RPL31: variants seen among roughly 807,000 people sequenced by gnomAD.
RPL31 encodes the protein large ribosomal subunit protein eL31.
For missense variants in RPL31, 95 were observed against 164.0 expected (o/e 0.58, Z 2.30); for synonymous variants, 51 against 55.0 (o/e 0.93, Z 0.32).
At chr2:101,007,714 C>G (rs540878652), downstream of RPL31, 1 of 1,152,018 alleles carries the variant, frequency 8.7e-7, no homozygotes, top group African/African-American at 1.5e-5. Context: ...GCCAGATGCC[C>G]CATTGGTAAG....
downstream of RPL31, chr2:101,008,186 C>T: frequency 6.2e-7 from 1 of 1,613,290 alleles, no homozygotes; most frequent in Non-Finnish European, 8.5e-7. Context: ...AGTGTGGTGA[C>T]TGTGGCGATG....
chr2:101,013,422 G>A (rs1404441039), intron 4 of RPL31, among the ~76,000 whole-genome samples: 1 of 152,126 alleles, frequency 6.6e-6, no homozygotes, highest in Admixed American at 6.6e-5. Context: ...CTATATATAT[G>A]TAGCCTGTAA....
downstream of RPL31, chr2:101,011,628 T>A (rs1026480078): frequency 4.3e-6 from 6 of 1,390,658 alleles, no homozygotes; most frequent in African/African-American, 8.5e-5. Context: ...AACTAAAGGC[T>A]AAGCCAGCAG....
chr2:101,008,180 T>C (rs1678885876), downstream of RPL31: 3 of 1,613,556 alleles, frequency 1.9e-6, no homozygotes, highest in Non-Finnish European at 2.5e-6. Flanking sequence ...AGCAGCAGTG[T>C]GGTGACTGTG....
chr2:101,008,081 GAGA>G, downstream of RPL31: 3 of 1,613,956 alleles, frequency 1.9e-6, no homozygotes, highest in South Asian at 3.3e-5. Context: ...GAGTCCTCAG[GAGA>G]AGGAGCTGAA....
downstream of RPL31, chr2:101,007,782 G>C (rs780083059): frequency 2.1e-5 from 34 of 1,585,622 alleles, no homozygotes; most frequent in Non-Finnish European, 2.8e-5. Flanking sequence ...TCGTGCTTTG[G>C]TATGGTGGAC....
chr2:101,011,269 G>T, downstream of RPL31: 1 of 717,650 alleles, frequency 1.4e-6, no homozygotes, highest in African/African-American at 1.8e-5. Context: ...GCAAGGGGCA[G>T]CCACCCAGCA....
intron 4 of RPL31, among the ~76,000 whole-genome samples, chr2:101,013,573 G>A (rs181265732): frequency 4.6e-5 from 7 of 152,310 alleles, no homozygotes; most frequent in African/African-American, 1.4e-4. Flanking sequence ...CTGTTTGAAG[G>A]TAGTAGGTAA....
At chr2:101,012,309 T>A (rs138993506) in intron 4 of RPL31, among the ~76,000 whole-genome samples, 1 of 152,218 alleles carries the variant, frequency 6.6e-6, no homozygotes, top group Non-Finnish European at 1.5e-5. Flanking sequence ...AAATGTTGAA[T>A]AAATTGCTGA....
chr2:101,014,004 A>G (rs1679429975), intron 4 of RPL31, among the ~76,000 whole-genome samples: 2 of 152,226 alleles, frequency 1.3e-5, no homozygotes, highest in Admixed American at 6.5e-5. Flanking sequence ...AGGAAAATCA[A>G]CTAAGTTATC....
downstream of RPL31, chr2:101,011,464 G>A (rs375301887): frequency 2.2e-5 from 35 of 1,613,952 alleles, no homozygotes; most frequent in East Asian, 4.5e-5. Flanking sequence ...TGGGTTTCCC[G>A]AAAACCAGGG....
chr2:101,008,274 CTG>C, downstream of RPL31: 1 of 1,517,784 alleles, frequency 6.6e-7, no homozygotes, highest in Non-Finnish European at 8.8e-7. Context: ...TAAATTCTCT[CTG>C]AAATTGAAAT....
intron 2 of RPL31, 48 bp downstream of exon 2, chr2:101,002,856 T>C (rs781159019): frequency 2.1e-6 from 3 of 1,409,880 alleles, no homozygotes; most frequent in Non-Finnish European, 3.0e-6. Context: ...CGCGTCTGGT[T>C]GTTACCGAGA....
At chr2:101,008,390 A>T (rs1678910658), downstream of RPL31, 3 of 827,646 alleles carry the variant, frequency 3.6e-6, no homozygotes, top group Non-Finnish European at 3.6e-6. Flanking sequence ...GACACAGAAT[A>T]TAAGAAAAGG....
chr2:101,017,891 T>G, intron 4 of RPL31: 2 of 1,550,952 alleles, frequency 1.3e-6, no homozygotes, highest in African/African-American at 1.4e-5. Context: ...CAAAACAGAT[T>G]GTCACCATCA....
chr2:101,002,510 C>A (rs901229858), intron 1 of RPL31, 192 bp from the exon 2 acceptor site: 1 of 614,646 alleles, frequency 1.6e-6, no homozygotes, highest in Non-Finnish European at 3.0e-6. Flanking sequence ...GCCGGAGCGG[C>A]AGGGATTTCC....
In RPL31 at chr2:101,006,741, T is replaced by TATCTA. The variant is rs2105351271; in HGVS notation, c.*361_*365dup. 1 of 201,588 alleles carries TATCTA rather than the reference T, an allele frequency of 5.0e-6. No homozygotes were observed. Among genetic ancestry groups the TATCTA allele is most frequent in the African/African-American group, 2.3e-5 (1 of 43,034 alleles). The allele number at this position is 201,588 out of a possible 1,614,324, so 12.5% of individuals were successfully genotyped here. A position where few individuals can be genotyped will look rare whatever the true frequency, so the allele number is the denominator to read the frequency against. On this transcript the variant is annotated 3_prime_UTR_variant, in exon 5 of 5. Transcript: ENST00000264258. ...AGGAAACAACTTTAAAATGATATAC[T>TATCTA]ATCTATCTATCTATCTGTAGCATCT... is the stretch of plus-strand genomic sequence containing the variant.
At chr2:101,016,957 G>A (rs1274627191) in intron 4 of RPL31, among the ~76,000 whole-genome samples, 1 of 151,914 alleles carries the variant, frequency 6.6e-6, no homozygotes, top group African/African-American at 2.4e-5. Context: ...GATAGCATTA[G>A]GAGATATACC....
At chr2:101,013,721 G>T (rs1269073074) in intron 4 of RPL31, among the ~76,000 whole-genome samples, 1 of 152,148 alleles carries the variant, frequency 6.6e-6, no homozygotes, top group Non-Finnish European at 1.5e-5. Flanking sequence ...TTTCTAAATG[G>T]GATGCCTGTG....
Sources: allele counts gnomAD v4.1 joint callset (sites outside exome capture counted in the v4.1 genomes callset), GRCh38; gene constraint gnomAD v4.1.1; transcripts MANE v1.5; gene names NCBI Gene and HGNC (gene_info 2026-07-23, HGNC 2026-07-21).